Variants in ZNF506 observed in about 807,000 individuals in gnomAD.
ZNF506 encodes the protein zinc finger protein 506.
Under a neutral mutation model 11.6 loss-of-function variants are expected in ZNF506, and 10 were observed. The ratio of observed to expected loss-of-function variants is 0.86; its 90% CI spans 0.53 to 1.46. The LOEUF (loss-of-function observed/expected upper bound fraction) is 1.46. Among genes scored for constraint, ZNF506 ranks in the 40% most tolerant of loss-of-function variants. The pLI, the probability that ZNF506 is intolerant of heterozygous loss-of-function variation, is 0.00. For missense variants in ZNF506, 425 were observed against 521.2 expected (o/e 0.82, Z 1.80); for synonymous variants, 156 against 173.3 (o/e 0.90, Z 0.78).
chr19:19,800,277 G>A (rs1263415978), intron 3 of ZNF506, among the ~76,000 whole-genome samples: 2 of 151,654 alleles, frequency 1.3e-5, no homozygotes, highest in African/African-American at 2.4e-5. Context: ...AAAGTGCTAG[G>A]AAATGTGAAG....
chr19:19,815,190 G>A (rs1029409505), intron 1 of ZNF506, among the ~76,000 whole-genome samples: 20 of 152,220 alleles, frequency 1.3e-4, no homozygotes, highest in African/African-American at 4.8e-4. Context: ...AACCCGGGAG[G>A]CGGAGCCTGC....
In ZNF506 at chr19:19,808,108, C is replaced by CTTTTTTTTTTTTTTTTTTTTTTTTTT. The variant is rs757160026; in HGVS notation, c.4-1066_4-1041dup. On this transcript the variant is annotated intron_variant, in intron 1 of 3. Transcript: ENST00000540806. ...ACTTAACCAAGTGAATCATTAACCA[C>CTTTTTTTTTTTTTTTTTTTTTTTTTT]TTTTTTTTTTTTTTTTTTTTTTTTT... 8.8e-5 allele frequency among the ~76,000 whole-genome samples: 5 copies of CTTTTTTTTTTTTTTTTTTTTTTTTTT among 56,730 alleles called. 1 individual carries two copies. Among genetic ancestry groups the CTTTTTTTTTTTTTTTTTTTTTTTTTT allele is most frequent in the Admixed American group, 2.7e-4 (1 of 3,742 alleles). The allele number at this position is 56,730 out of a possible 152,430, so 37.2% of individuals were successfully genotyped here. A position where few individuals can be genotyped will look rare whatever the true frequency, so the allele number is the denominator to read the frequency against.
chr19:19,814,419 T>TAATA (rs1437841276), intron 1 of ZNF506, among the ~76,000 whole-genome samples: 3 of 150,028 alleles, frequency 2.0e-5, no homozygotes, highest in Non-Finnish European at 4.4e-5. Flanking sequence ...AAAATAATAA[T>TAATA]AATAATAATA....
chr19:19,811,717 A>C (rs1025408773), intron 1 of ZNF506, among the ~76,000 whole-genome samples: 2 of 152,082 alleles, frequency 1.3e-5, no homozygotes, highest in Admixed American at 6.5e-5. Flanking sequence ...CAGTAGGCTC[A>C]CTTGAATCAG....
chr19:19,802,338 AATT>A (rs2062802140), intron 3 of ZNF506, among the ~76,000 whole-genome samples: 1 of 152,190 alleles, frequency 6.6e-6, no homozygotes, highest in Non-Finnish European at 1.5e-5. Flanking sequence ...TATGCAGTGT[AATT>A]ATACACAGAA....
chr19:19,806,970 T>A lies in ZNF506; in HGVS notation c.102A>T (p.Leu34Phe), dbSNP rs190336216. 6.6e-5 allele frequency: 107 copies of A among 1,613,852 alleles called. No individual in the cohort carries two copies. The African/African-American group carries it at 1.3e-3, about 19-fold the overall frequency. ...GGAAGATCAGGTTTCTGTAGTTCTC[T>A]AACATCACATCCCTATATAGATTCC... ...AQRNLYRDVM[L>F]ENYRNLIFLG... The change falls in exon 2 of 4, where the codon TTA becomes TTT. Residue 34 changes from leucine to phenylalanine, a missense_variant. Transcript: ENST00000540806.
chr19:19,794,742 G>C lies in ZNF506; in HGVS notation c.1145C>G (p.Ser382Ter), dbSNP rs761812961. The change falls in exon 4 of 4, where the codon TCA becomes TGA. Residue 382 changes from serine to a stop codon, truncating the protein, a stop_gained. Coordinates refer to ENST00000540806, the MANE Select transcript of ZNF506 (RefSeq NM_001099269.3). LOFTEE classifies it low-confidence loss of function (END_TRUNC). ...EECGKAFTAF[S>*]TLTEHKIIHT... ...AATTATCTTATGTTCAGTTAGAGTT[G>C]AGAATGCAGTAAAGGCTTTGCCACA... is the stretch of plus-strand genomic sequence containing the variant. 2 of 1,613,840 alleles carry C rather than the reference G, an allele frequency of 1.2e-6. No homozygotes were observed. Among genetic ancestry groups the C allele is most frequent in the Non-Finnish European group, 8.5e-7 (1 of 1,179,924 alleles).
At chr19:19,800,035 G>T (rs527267114) in intron 3 of ZNF506, among the ~76,000 whole-genome samples, 14 of 152,262 alleles carry the variant, frequency 9.2e-5, no homozygotes, top group South Asian at 4.1e-4. Context: ...AATTACTGCA[G>T]CATTGCTACC....
At chr19:19,821,109 A>T (rs1183243407) in intron 1 of ZNF506, among the ~76,000 whole-genome samples, 1 of 152,194 alleles carries the variant, frequency 6.6e-6, no homozygotes, top group Admixed American at 6.5e-5. Context: ...CATTTTGGCC[A>T]GGCTTGTCTT....
intron 1 of ZNF506, among the ~76,000 whole-genome samples, chr19:19,819,155 TTTG>T (rs1196480178): frequency 2.0e-5 from 3 of 152,126 alleles, no homozygotes; most frequent in Non-Finnish European, 4.4e-5. Flanking sequence ...TGCATTTTAC[TTTG>T]TTAAGTTTTT....
chr19:19,796,509 T>A, intron 3 of ZNF506: 1 of 152,060 alleles, frequency 6.6e-6, no homozygotes, highest in East Asian at 1.9e-4. Context: ...GTTCACGCCA[T>A]TCTCCTGCCA....
chr19:19,795,618 C>T lies in ZNF506; in HGVS notation c.269G>A (p.Ser90Asn), dbSNP rs1463499661. The T allele has an allele frequency of 6.5e-7, 1 of 1,542,246 alleles. No homozygotes were observed. The highest frequency in any genetic ancestry group is 8.7e-7 in the Non-Finnish European group (1 of 1,149,732). The change falls in exon 4 of 4, where the codon AGC (serine) becomes AAC (asparagine). Residue 90 changes from serine to asparagine, a missense_variant. Physicochemically the swap from Ser to Asn is conservative, Grantham distance 46 (BLOSUM62 1). Around this residue, in one of 3 missense-constraint regions of ZNF506, gnomAD observed 226 missense variants for 279.1 expected, o/e 0.81. Transcript: ENST00000540806. ...HFAQDLWSEQ[S>N]IKDSFQKVIL... Reference sequence around the variant, plus strand: ...CACTTTTTGGAAAGAATCTTTTATGCTCTGCTCTGACCAAAGGTCTTGGGC... The same window carrying T: ...CACTTTTTGGAAAGAATCTTTTATGTTCTGCTCTGACCAAAGGTCTTGGGC...
At chr19:19,799,203 T>C (rs1410081908) in intron 3 of ZNF506, 2 of 338,058 alleles carry the variant, frequency 5.9e-6, no homozygotes, top group African/African-American at 2.1e-5. Context: ...GTGTCTCAAA[T>C]TGGGGTTTCA....
At chr19:19,808,108 CTTTTTTTTTTTTTTTTTTTTTT>C (rs757160026) in intron 1 of ZNF506, among the ~76,000 whole-genome samples, 1 of 56,730 alleles carries the variant, frequency 1.8e-5, no homozygotes, top group African/African-American at 7.7e-5. Flanking sequence ...TCATTAACCA[CTTTTTTTTTTTTTTTTTTTTTT>C]TTTTTTTTTT....
chr19:19,816,142 G>C (rs1278485707), intron 1 of ZNF506, among the ~76,000 whole-genome samples: 2 of 151,254 alleles, frequency 1.3e-5, no homozygotes, highest in African/African-American at 4.9e-5. Flanking sequence ...AAAATCAGCT[G>C]AATTTGTTTT....
In ZNF506 at chr19:19,793,899, T is replaced by G. The variant is rs2062714884; in HGVS notation, c.*653A>C. The G allele has an allele frequency of 6.6e-6, 1 of 152,272 alleles. No homozygotes were observed. The highest frequency in any genetic ancestry group is 2.4e-5 in the African/African-American group (1 of 41,446). 9.4% of individuals were successfully genotyped at this position (152,272 alleles called of 1,614,324 possible). A position where few individuals can be genotyped will look rare whatever the true frequency, so the allele number is the denominator to read the frequency against. On this transcript the variant is annotated 3_prime_UTR_variant, in exon 4 of 4. Transcript: ENST00000540806. ...TTTCATACATTTCCAGGGTTTCACA[T>G]TAGTATAATTTATTTTTATGTATAC...
intron 1 of ZNF506, among the ~76,000 whole-genome samples, chr19:19,821,293 CCT>C (rs2062965472): frequency 6.6e-6 from 1 of 152,192 alleles, no homozygotes; most frequent in Non-Finnish European, 1.5e-5. Flanking sequence ...AGGATTCTCC[CCT>C]GACGACCTTC....
chr19:19,812,797 T>C (rs1303906760), intron 1 of ZNF506, among the ~76,000 whole-genome samples: 1 of 152,214 alleles, frequency 6.6e-6, no homozygotes, highest in Admixed American at 6.5e-5. Flanking sequence ...AGATATGAGA[T>C]TGATCAAGTC....
At chr19:19,795,691 A>C (rs756823417) in intron 3 of ZNF506, 31 bp from the exon 4 acceptor site, 3 of 1,478,302 alleles carry the variant, frequency 2.0e-6, no homozygotes, top group Non-Finnish European at 2.7e-6. Flanking sequence ...ACATGACTTC[A>C]ATTGCTAGAC....
Sources: allele counts gnomAD v4.1 joint callset (sites outside exome capture counted in the v4.1 genomes callset), GRCh38; gene constraint gnomAD v4.1.1; regional missense constraint gnomAD v4.1.1; transcripts MANE v1.5; gene names NCBI Gene and HGNC (gene_info 2026-07-23, HGNC 2026-07-21).